The following LRCH4 variants were observed in gnomAD, a reference collection of about 807,000 sequenced individuals.
LRCH4 encodes the protein leucine-rich repeat and calponin homology domain-containing protein 4.
Under a neutral mutation model 81.2 loss-of-function variants are expected in LRCH4, and 56 were observed. The ratio of observed to expected loss-of-function variants is 0.69; its 90% CI spans 0.56 to 0.86. The LOEUF is 0.86. LRCH4 is among the 40% of genes least tolerant of loss of function. The probability of loss-of-function intolerance (pLI) is 0.00; values close to 1 mark genes in which losing one functional copy is unlikely to be tolerated. For missense variants in LRCH4, 895 were observed against 922.8 expected (o/e 0.97, Z 0.39); for synonymous variants, 442 against 409.7 (o/e 1.08, Z -0.95).
intron 14 of LRCH4, 84 bp from the exon 15 acceptor site, chr7:100,576,407 C>T (rs2131159892): frequency 2.2e-6 from 2 of 904,752 alleles, no homozygotes; most frequent in East Asian, 5.1e-5. Context: ...GGCACCTACA[C>T]CTCCTGCCTC....
chr7:100,576,947 C>A lies in LRCH4; in HGVS notation c.1423G>T (p.Ala475Ser). The A allele has an allele frequency of 6.4e-7, 1 of 1,574,386 alleles. No individual in the cohort carries two copies. Among genetic ancestry groups the A allele is most frequent in the Non-Finnish European group, 8.6e-7 (1 of 1,158,394 alleles). The change falls in exon 13 of 18, where the codon GCC becomes TCC. Residue 475 changes from alanine (A) to serine (S), a missense_variant. Around this residue, in one of 3 missense-constraint regions of LRCH4, gnomAD observed 529 missense variants for 504.9 expected, o/e 1.05. Transcript: ENST00000310300. ...AGAAAGQGAPAPAPASQEPLP... is the reference protein window; with the variant it reads ...AGAAAGQGAPSPAPASQEPLP... ...GGCTCTTGGGAGGCAGGGGCAGGGG[C>A]GGGGGCTCCCTGCCCCGCTGCAGCC...
chr7:100,582,925 C>G lies in LRCH4; in HGVS notation c.221-466G>C, dbSNP rs570228257. Among the ~76,000 whole-genome samples the G allele has an allele frequency of 6.6e-6, 1 of 152,180 alleles. No homozygotes were observed. Among genetic ancestry groups the G allele is most frequent in the Non-Finnish European group, 1.5e-5 (1 of 68,022 alleles). On this transcript the variant is annotated intron_variant, in intron 1 of 17. Transcript: ENST00000310300. This position sits in a 1 kb window ranked among gnomAD's most constrained non-coding sequence, Gnocchi z 5.0. ...GGAGTGCCCATCCCTCCTCGGGGCC[C>G]TTCTTCCCTACTCCAGTGTGTTTTC...
At position 100,582,419 on chromosome 7, in the gene LRCH4, C is replaced by A; in HGVS notation, c.261G>T (p.Ala87=). The A allele has an allele frequency of 6.2e-7, 1 of 1,612,986 alleles. No individual in the cohort carries two copies. Among genetic ancestry groups the A allele is most frequent in the Non-Finnish European group, 8.5e-7 (1 of 1,179,968 alleles). ...GGCCCTCCAGGGACACCAGCTGGCA[C>A]GCCGCCTCGGGCACCTCGGGAAACC... The part of the protein sequence containing the change: ...RNRFPEVPEA[A]CQLVSLEGLS... The change falls in exon 2 of 18, where the codon GCG becomes GCT. Residue 87 remains alanine (A), a synonymous_variant. Coordinates refer to ENST00000310300, the MANE Select transcript of LRCH4 (RefSeq NM_002319.5). The surrounding 1 kb of genome is among the most constrained non-coding windows in gnomAD (Gnocchi z 5.0).
rs201954437 is a variant in LRCH4, at chr7:100,577,473, C to T, written c.1178+24G>A. On this transcript the variant is annotated intron_variant, in intron 10 of 17. Transcript: ENST00000310300. The surrounding 1 kb of genome is among the most constrained non-coding windows in gnomAD (Gnocchi z 6.7). ...GGGGGGTGGGAGGATCGGGCAGTGG[C>T]GTCAGTTTGGGGGCTTGGGGTACCT... The T allele has an allele frequency of 3.2e-4, 509 of 1,605,940 alleles. 2 individuals are homozygous for T. In the African/African-American group the frequency reaches 6.2e-3, roughly 20 times the overall value.
In LRCH4 at chr7:100,584,377, C is replaced by T. The variant is rs1297325715; in HGVS notation, c.220+1504G>A. ...CTGGGATTTCCGACCCCCCCCCAAG[C>T]TCACAGGAGCACGGCTGCACCCTGA... On this transcript the variant is annotated intron_variant, in intron 1 of 17. Transcript: ENST00000310300. 3.9e-5 allele frequency among the ~76,000 whole-genome samples: 6 copies of T among 151,938 alleles called. No individual in the cohort carries two copies. The East Asian group carries it at 1.2e-3, about 29-fold the overall frequency.
chr7:100,583,671 C>T lies in LRCH4; in HGVS notation c.221-1212G>A, dbSNP rs973735818. Among the ~76,000 whole-genome samples the T allele has an allele frequency of 1.3e-5, 2 of 152,190 alleles. No individual in the cohort carries two copies. The highest frequency in any genetic ancestry group is 4.8e-5 in the African/African-American group (2 of 41,442). Reference sequence around the variant, plus strand: ...ACCAGGGTGGATGACAGCCTGATGCCCCGGGACCCCTTTCTCTTCCTCTCT... The same window carrying T: ...ACCAGGGTGGATGACAGCCTGATGCTCCGGGACCCCTTTCTCTTCCTCTCT... On this transcript the variant is annotated intron_variant, in intron 1 of 17. Transcript: ENST00000310300. This position sits in a 1 kb window ranked among gnomAD's most constrained non-coding sequence, Gnocchi z 4.3.
In LRCH4 at chr7:100,583,033, A is replaced by G. The variant is rs968293363; in HGVS notation, c.221-574T>C. Among the ~76,000 whole-genome samples the G allele has an allele frequency of 3.9e-5, 6 of 152,330 alleles. No homozygotes were observed. The highest frequency in any genetic ancestry group is 7.4e-5 in the Non-Finnish European group (5 of 68,026). Reference sequence around the variant, plus strand: ...CCGGACGAGTTTTTCGCCAGCCCCAAGGACCAGCAAGCCAGGTCCAAAGAA... The same window carrying G: ...CCGGACGAGTTTTTCGCCAGCCCCAGGGACCAGCAAGCCAGGTCCAAAGAA... On this transcript the variant is annotated intron_variant, in intron 1 of 17. Transcript: ENST00000310300. This position sits in a 1 kb window ranked among gnomAD's most constrained non-coding sequence, Gnocchi z 4.3.
At chr7:100,579,969 G>A (rs1422038969) in intron 4 of LRCH4, 1 of 152,198 alleles carries the variant, frequency 6.6e-6, no homozygotes, top group African/African-American at 2.4e-5. Context: ...CCTTTTGACT[G>A]GGAAGGAAGA....
chr7:100,578,586 G>A lies in LRCH4; in HGVS notation c.735+64C>T, dbSNP rs1801444610. 17 of 1,601,882 alleles carry A rather than the reference G, an allele frequency of 1.1e-5. No individual in the cohort carries two copies. In the South Asian group the frequency reaches 1.3e-4, roughly 13 times the overall value. ...CCGGATCCTGCTCAGCTATCCAAGG[G>A]GACCAACCCCACTCCTGCCTAGCCA... On this transcript the variant is annotated intron_variant, in intron 5 of 17. Coordinates refer to ENST00000310300, the MANE Select transcript of LRCH4 (RefSeq NM_002319.5). The surrounding 1 kb of genome is among the most constrained non-coding windows in gnomAD (Gnocchi z 5.7).
chr7:100,581,802 C>T lies in LRCH4; in HGVS notation c.573G>A (p.Arg191=), dbSNP rs952328843. The T allele has an allele frequency of 1.9e-5, 30 of 1,614,094 alleles. No homozygotes were observed. Among genetic ancestry groups the T allele is most frequent in the Non-Finnish European group, 2.5e-5 (29 of 1,180,034 alleles). ...LSSLRDLNVR[R]NQLSTLPEEL... is the part of the protein sequence containing the mutation. The stretch of plus-strand genomic sequence containing the variant: ...CTTCGGGCAGCGTACTGAGCTGGTT[C>T]CTCCGGACATTGAGGTCCCGCAGGG... The change falls in exon 4 of 18, where the codon AGG becomes AGA. Residue 191 remains arginine, a synonymous_variant. Coordinates refer to ENST00000310300, the MANE Select transcript of LRCH4 (RefSeq NM_002319.5).
At position 100,578,414 on chromosome 7, in the gene LRCH4, G is replaced by T. The variant is rs766099566; in HGVS notation, c.833C>A (p.Pro278Gln). The T allele has an allele frequency of 1.2e-6, 2 of 1,613,660 alleles. No individual in the cohort carries two copies. Among genetic ancestry groups the T allele is most frequent in the South Asian group, 2.2e-5 (2 of 91,018 alleles). Residue 278 changes from proline (P) to glutamine (Q), a missense_variant, in exon 6 of 18, where the codon CCG (proline) becomes CAG (glutamine). This residue lies in a region of LRCH4 where 360 missense variants were observed against 397.0 expected (regional missense o/e 0.91). Transcript: ENST00000310300. This position sits in a 1 kb window ranked among gnomAD's most constrained non-coding sequence, Gnocchi z 5.7. ...TAGGACTTACCAGGGACTGAAACTC[G>T]GGGGCCGAGAAGGGGCCAGGTCCCC... The part of the protein sequence containing the change: ...ALGDLAPSRP[P>Q]SFSPCPAEDL...
rs1176674621 is a variant in LRCH4, at chr7:100,586,088, C to T, written c.13G>A (p.Val5Ile). The T allele has an allele frequency of 6.5e-7, 1 of 1,528,364 alleles. No homozygotes were observed. The highest frequency in any genetic ancestry group is 8.8e-7 in the Non-Finnish European group (1 of 1,135,116). The allele number at this position is 1,528,364 out of a possible 1,614,324, so 94.7% of individuals were successfully genotyped here. ...CCCCCGGCGGCGAGTGGAGCCGCTA[C>T]GGCCGCCGCCATCCGCTCCCGGCGG... MAAA[V>I]AAPLAAGGEE... The change falls in exon 1 of 18, where the codon GTA (valine) becomes ATA (isoleucine). Residue 5 changes from valine (V) to isoleucine (I), a missense_variant. Val to Ile is a conservative substitution (Grantham distance 29). Around this residue, in one of 3 missense-constraint regions of LRCH4, gnomAD observed 360 missense variants for 397.0 expected, o/e 0.91. Transcript: ENST00000310300.
chr7:100,577,027 T>G lies in LRCH4; in HGVS notation c.1365-22A>C. The G allele has an allele frequency of 6.2e-7, 1 of 1,613,586 alleles. No individual in the cohort carries two copies. On this transcript the variant is annotated intron_variant, in intron 12 of 17. Transcript: ENST00000310300. This position sits in a 1 kb window ranked among gnomAD's most constrained non-coding sequence, Gnocchi z 6.7. ...GCCGCTGAGGAGAGACAGAAGGGAA[T>G]TAGAGGGATGATGGTCATAGGAAGA...
At position 100,578,742 on chromosome 7, in the gene LRCH4, G is replaced by C; in HGVS notation, c.643C>G (p.Arg215Gly). 6.2e-7 allele frequency: 1 copy of C among 1,614,008 alleles called. No individual in the cohort carries two copies. Among genetic ancestry groups the C allele is most frequent in the Non-Finnish European group, 8.5e-7 (1 of 1,180,016 alleles). Reference sequence around the variant, plus strand: ...AAGGAGACTGGGATTCGGGAGACGCGGTTACAGGAGAAATCCAGGCGGACC... The same window carrying C: ...AAGGAGACTGGGATTCGGGAGACGCCGTTACAGGAGAAATCCAGGCGGACC... ...PLVRLDFSCN[R>G]VSRIPVSFCR... Residue 215 changes from arginine (R) to glycine (G), a missense_variant, in exon 5 of 18, where the codon CGC becomes GGC. Physicochemically the swap from Arg to Gly is moderately radical, Grantham distance 125. This residue lies in a region of LRCH4 where 360 missense variants were observed against 397.0 expected (regional missense o/e 0.91). Coordinates refer to ENST00000310300, the MANE Select transcript of LRCH4 (RefSeq NM_002319.5). This position sits in a 1 kb window ranked among gnomAD's most constrained non-coding sequence, Gnocchi z 5.7.
Position 100,578,225 on chromosome 7 carries a change from G to A in LRCH4, c.882C>T (p.Tyr294=), listed in dbSNP as rs150987161. The A allele has an allele frequency of 6.0e-5, 97 of 1,614,104 alleles. No homozygotes were observed. Among genetic ancestry groups the A allele is most frequent in the African/African-American group, 5.5e-4 (41 of 74,944 alleles). ...GGAAGCCTGAGTCCAGCCCACCATC[G>A]TACCGATGTCCCGGAAATAGATCCT... ...PAEDLFPGHR[Y]DGGLDSGFHS... The change falls in exon 7 of 18, where the codon TAC becomes TAT. Residue 294 remains tyrosine (Y), a synonymous_variant. Coordinates refer to ENST00000310300, the MANE Select transcript of LRCH4 (RefSeq NM_002319.5). The surrounding 1 kb of genome is among the most constrained non-coding windows in gnomAD (Gnocchi z 5.7).
chr7:100,574,986 T>G lies in LRCH4; in HGVS notation c.*121A>C. On this transcript the variant is annotated 3_prime_UTR_variant, in exon 18 of 18. Coordinates refer to ENST00000310300, the MANE Select transcript of LRCH4 (RefSeq NM_002319.5). ...GTGGGGCCTCTGAGGTCAGTGTCTGTGAAGGGGGTGCACTAGTGTCTTTGG... is the reference window on the plus strand; with the variant it reads ...GTGGGGCCTCTGAGGTCAGTGTCTGGGAAGGGGGTGCACTAGTGTCTTTGG... 1 of 946,478 alleles carries G rather than the reference T, an allele frequency of 1.1e-6. No individual in the cohort carries two copies. The highest frequency in any genetic ancestry group is 1.6e-6 in the Non-Finnish European group (1 of 640,502). The allele number at this position is 946,478 out of a possible 1,614,324, so 58.6% of individuals were successfully genotyped here. A position where few individuals can be genotyped will look rare whatever the true frequency, so the allele number is the denominator to read the frequency against.
In LRCH4 at chr7:100,575,889, A is replaced by G. The variant is rs1468956347; in HGVS notation, c.1758T>C (p.His586=). 6.2e-7 allele frequency: 1 copy of G among 1,613,706 alleles called. No individual in the cohort carries two copies. The highest frequency in any genetic ancestry group is 8.5e-7 in the Non-Finnish European group (1 of 1,179,792). The part of the protein sequence containing the change: ...QLRPRSVPFI[H]VPSPAVPKLS... ...AACTGACCACAGCAGGGGAGGGCAC[A>G]TGGATGAAGGGCACGGAGCGCGGCC... Residue 586 remains histidine, a synonymous_variant, in exon 16 of 18, where the codon CAT becomes CAC. Coordinates refer to ENST00000310300, the MANE Select transcript of LRCH4 (RefSeq NM_002319.5). This position sits in a 1 kb window ranked among gnomAD's most constrained non-coding sequence, Gnocchi z 5.3.
At chr7:100,584,742 A>G (rs1352704820) in intron 1 of LRCH4, 1 of 456,668 alleles carries the variant, frequency 2.2e-6, no homozygotes, top group Admixed American at 2.3e-5. Flanking sequence ...TCTCCCCAGA[A>G]GAGGGAAGAG....
rs1801406484 is a variant in LRCH4, at chr7:100,577,441, G to A, written c.1179-52C>T. ...GGCAGACCCCGGGGTCAGGGAAGGA[G>A]GCGGTTGGGGGGTGGGAGGATCGGG... On this transcript the variant is annotated intron_variant, in intron 10 of 17. Coordinates refer to ENST00000310300, the MANE Select transcript of LRCH4 (RefSeq NM_002319.5). The surrounding 1 kb of genome is among the most constrained non-coding windows in gnomAD (Gnocchi z 6.7). 2.5e-6 allele frequency: 4 copies of A among 1,601,614 alleles called. No individual in the cohort carries two copies. In the African/African-American group the frequency reaches 4.0e-5, roughly 16 times the overall value.
Sources: allele counts gnomAD v4.1 joint callset (sites outside exome capture counted in the v4.1 genomes callset), GRCh38; gene constraint gnomAD v4.1.1; regional missense constraint gnomAD v4.1.1; non-coding constraint Gnocchi (gnomAD v3.1); transcripts MANE v1.5; gene names NCBI Gene and HGNC (gene_info 2026-07-23, HGNC 2026-07-21).